LIMCH1: variants seen among roughly 807,000 people sequenced by gnomAD.
LIMCH1 encodes the protein LIM and calponin homology domains-containing protein 1.
A neutral mutation model predicts 176.5 loss-of-function variants in LIMCH1; 113 were observed. The observed-to-expected ratio is 0.64, with a 90% CI of 0.55 to 0.75. The LOEUF is 0.75. Ranked by LOEUF, LIMCH1 falls within the 30% of genes least tolerant of loss-of-function variation. The pLI is 0.00. For synonymous variants in LIMCH1, 619 were observed against 645.9 expected (o/e 0.96, Z 0.63); for missense variants, 1,674 against 1,814.9 (o/e 0.92, Z 1.41).
At chr4:41,475,884 A>T (rs573164533) in intron 1 of LIMCH1, among the ~76,000 whole-genome samples, 1 of 152,344 alleles carries the variant, frequency 6.6e-6, no homozygotes, top group Admixed American at 6.5e-5. Context: ...GTAAAATAAT[A>T]CAAAAAAAGA....
At chr4:41,595,669 C>T (rs1166441866) in intron 1 of LIMCH1, among the ~76,000 whole-genome samples, 1 of 152,200 alleles carries the variant, frequency 6.6e-6, no homozygotes, top group African/African-American at 2.4e-5. Flanking sequence ...AAGTGCCCCA[C>T]ATAATTCACC....
intron 2 of LIMCH1, among the ~76,000 whole-genome samples, chr4:41,508,230 T>C (rs2074417182): frequency 1.3e-5 from 2 of 152,156 alleles, no homozygotes; most frequent in African/African-American, 4.8e-5. Flanking sequence ...GGTGGTTTGA[T>C]TCCCAAGAGC....
upstream of LIMCH1, among the ~76,000 whole-genome samples, chr4:41,535,672 T>C (rs577904567): frequency 6.6e-6 from 1 of 152,308 alleles, no homozygotes; most frequent in South Asian, 2.1e-4. Context: ...AGGAGACAAT[T>C]TAGCTCGTAA....
Position 41,512,887 on chromosome 4 carries a change from T to C in LIMCH1, c.168-11522T>C, listed in dbSNP as rs78032793. ...TATTGAATTCTACATTTTCAGTGGGTAAACTATGTGAATTGTATCTCAAGT... is the reference window on the plus strand; with the variant it reads ...TATTGAATTCTACATTTTCAGTGGGCAAACTATGTGAATTGTATCTCAAGT... On this transcript the variant is annotated intron_variant, in intron 2 of 26. Transcript: ENST00000313860. Among the ~76,000 whole-genome samples, 692 of 152,294 alleles carry C rather than the reference T, an allele frequency of 4.5e-3. 16 individuals carry two copies. The East Asian group carries it at 0.068, about 15-fold the overall frequency.
chr4:41,519,132 A>G (rs2075872569), intron 2 of LIMCH1, among the ~76,000 whole-genome samples: 1 of 152,204 alleles, frequency 6.6e-6, no homozygotes, highest in Admixed American at 6.5e-5. Context: ...TCTTTAATTC[A>G]CCTTCTCAAA....
At chr4:41,426,478 C>CT (rs1330590034) in intron 1 of LIMCH1, among the ~76,000 whole-genome samples, 1 of 152,174 alleles carries the variant, frequency 6.6e-6, no homozygotes, top group Non-Finnish European at 1.5e-5. Flanking sequence ...GGAATCATGA[C>CT]TTTATCCTGG....
intron 1 of LIMCH1, among the ~76,000 whole-genome samples, chr4:41,381,334 C>G (rs2055631245): frequency 6.6e-6 from 1 of 152,236 alleles, no homozygotes; most frequent in Non-Finnish European, 1.5e-5. Flanking sequence ...TACCGGCTGT[C>G]TGTCAGCTCC....
intron 1 of LIMCH1, among the ~76,000 whole-genome samples, chr4:41,444,298 G>T (rs955403392): frequency 9.0e-6 from 1 of 111,238 alleles, no homozygotes; most frequent in Non-Finnish European, 1.6e-5. Context: ...GTGTGTGAGT[G>T]TGTGTGTATA....
chr4:41,621,598 T>C (rs1290750168), intron 7 of LIMCH1, among the ~76,000 whole-genome samples: 1 of 151,848 alleles, frequency 6.6e-6, no homozygotes, highest in African/African-American at 2.4e-5. Context: ...GCTTCCCAGG[T>C]TCAAGCAATT....
intron 1 of LIMCH1, among the ~76,000 whole-genome samples, chr4:41,476,845 G>A (rs889437501): frequency 2.0e-5 from 3 of 152,136 alleles, no homozygotes; most frequent in Non-Finnish European, 4.4e-5. Context: ...AAAAATCCAG[G>A]GACCTGACAA....
chr4:41,419,708 CT>C (rs1173674502), intron 1 of LIMCH1, among the ~76,000 whole-genome samples: 6 of 127,386 alleles, frequency 4.7e-5, no homozygotes, highest in African/African-American at 1.3e-4. Context: ...TCCTTCCTTC[CT>C]TCCTTCCTTC....
intron 1 of LIMCH1, among the ~76,000 whole-genome samples, chr4:41,440,435 C>T (rs1420882243): frequency 6.6e-6 from 1 of 152,104 alleles, no homozygotes; most frequent in Non-Finnish European, 1.5e-5. Context: ...TGGTAAATGT[C>T]CCCAAATGGT....
chr4:41,496,058 T>C (rs143396476), intron 2 of LIMCH1, among the ~76,000 whole-genome samples: 52 of 152,326 alleles, frequency 3.4e-4, no homozygotes, highest in Middle Eastern at 3.4e-3. Context: ...GAACTCTTTC[T>C]CTCTGTTCTA....
Position 41,620,450 on chromosome 4 carries a change from G to A in LIMCH1, c.485G>A (p.Gly162Glu), listed in dbSNP as rs1293003077. 5 of 1,535,980 alleles carry A rather than the reference G, an allele frequency of 3.3e-6. No individual in the cohort carries two copies. Among genetic ancestry groups the A allele is most frequent in the African/African-American group, 1.4e-5 (1 of 73,046 alleles). Residue 162 changes from glycine to glutamate, a missense_variant, in exon 7 of 32, where the codon GGG (glycine) becomes GAG (glutamate). Around this residue, in one of 3 missense-constraint regions of LIMCH1, gnomAD observed 655 missense variants for 692.2 expected, o/e 0.95. Coordinates refer to ENST00000503057, the MANE Select transcript of LIMCH1 (RefSeq NM_001330672.2). ...TTTCCTGAAACGATAGAGGAAGAGG[G>A]GAGTGAAGTGGGGTCTGCTGGTGAA... ...FSFPETIEEE[G>E]SEVGSAGEDN...
intron 1 of LIMCH1, among the ~76,000 whole-genome samples, chr4:41,584,775 T>C (rs1022392338): frequency 2.0e-5 from 3 of 152,230 alleles, no homozygotes; most frequent in African/African-American, 7.2e-5. Context: ...CACAATGTTA[T>C]GCAATTGTCA....
At chr4:41,417,401 C>A (rs2060039402) in intron 1 of LIMCH1, among the ~76,000 whole-genome samples, 1 of 152,162 alleles carries the variant, frequency 6.6e-6, no homozygotes, top group African/African-American at 2.4e-5. Context: ...AAGAGGTGCG[C>A]TGTTTTGGGC....
chr4:41,597,130 G>A (rs776111494), intron 1 of LIMCH1, among the ~76,000 whole-genome samples: 8 of 151,982 alleles, frequency 5.3e-5, no homozygotes, highest in African/African-American at 9.7e-5. Context: ...CCTTCGAGGC[G>A]TCTATGATCA....
At chr4:41,677,751 GT>G (rs1341663583) in intron 23 of LIMCH1, among the ~76,000 whole-genome samples, 1 of 152,104 alleles carries the variant, frequency 6.6e-6, no homozygotes, top group African/African-American at 2.4e-5. Context: ...CAACTAATAG[GT>G]GTCAAGACCA....
At chr4:41,535,652 G>A (rs1443497623), upstream of LIMCH1, among the ~76,000 whole-genome samples, 1 of 152,178 alleles carries the variant, frequency 6.6e-6, no homozygotes, top group African/African-American at 2.4e-5. Context: ...TACGAATTGG[G>A]GGAGGGAGGA....
Sources: gnomAD v4.1 joint callset for allele counts (sites outside exome capture counted in the v4.1 genomes callset) on GRCh38, gnomAD v4.1.1 for gene constraint, gnomAD v4.1.1 regional missense constraint, MANE v1.5 for transcripts, NCBI Gene and HGNC (gene_info 2026-07-23, HGNC 2026-07-21) for gene names.